The following KRT82 variants were observed in gnomAD, a reference collection of about 807,000 sequenced individuals.
The protein encoded by KRT82 is keratin, type II cuticular Hb2.
In KRT82, 44 loss-of-function variants were observed where a neutral mutation model predicts 48.0. That is an observed-to-expected ratio of 0.92 (90% CI 0.72 to 1.18). KRT82 has a LOEUF of 1.18. Among genes scored for constraint, KRT82 ranks in the 50% most tolerant of loss-of-function variants. The pLI is 0.00. For synonymous variants in KRT82, 297 were observed against 278.3 expected (o/e 1.07, Z -0.67); for missense variants, 701 against 671.4 (o/e 1.04, Z -0.49).
chr12:52,394,678 C>T lies in KRT82; in HGVS notation c.*297G>A, dbSNP rs1045009427. 4.4e-6 allele frequency: 2 copies of T among 459,332 alleles called. No individual in the cohort carries two copies. The highest frequency in any genetic ancestry group is 8.0e-6 in the Non-Finnish European group (2 of 249,846). The allele number at this position is 459,332 out of a possible 1,614,324, so 28.5% of individuals were successfully genotyped here. ...GCAGAACTGTGGTGTGCCCATTTGA[C>T]CTTTTGGGGGTTATTGCCATTCTGC... is the stretch of plus-strand genomic sequence containing the variant. On this transcript the variant is annotated 3_prime_UTR_variant, in exon 9 of 9. Coordinates refer to ENST00000257974, the MANE Select transcript of KRT82 (RefSeq NM_033033.4).
chr12:52,400,956 T>C (rs1939781671), intron 3 of KRT82, among the ~76,000 whole-genome samples: 1 of 152,184 alleles, frequency 6.6e-6, no homozygotes, highest in Non-Finnish European at 1.5e-5. Flanking sequence ...GCAGAGCTTT[T>C]GAGCTTTTGT....
At position 52,396,957 on chromosome 12, in the gene KRT82, G is replaced by A. The variant is rs760376339; in HGVS notation, c.994C>T (p.Arg332Cys). 63 of 1,613,874 alleles carry A rather than the reference G, an allele frequency of 3.9e-5. No homozygotes were observed. The Admixed American group carries it at 4.7e-4, about 12-fold the overall frequency. ...TTCATTTCCAGGATCTCGTTCTTAC[G>A]GTTGCGGAGGTTGTCACAGTGGTTC... ...AGNHCDNLRN[R>C]KNEILEMNKL... Residue 332 changes from arginine (R) to cysteine (C), a missense_variant, in exon 6 of 9, where the codon CGT becomes TGT. Coordinates refer to ENST00000257974, the MANE Select transcript of KRT82 (RefSeq NM_033033.4).
chr12:52,400,755 G>A, intron 3 of KRT82, 133 bp from the exon 4 acceptor site: 1 of 636,186 alleles, frequency 1.6e-6, no homozygotes, highest in South Asian at 1.9e-5. Context: ...GAGCCGAGGT[G>A]GGGAAAAAGG....
rs749653871 is a variant in KRT82 at position 52,406,265 on chromosome 12, A to G, written c.13T>C (p.Ser5Pro). ...CCACACCTGGAGCCTGGCTGGAAAG[A>G]GTGGTACGACATGGCAGGAGAGAGA... MSYH[S>P]FQPGSRCGSQ... The change falls in exon 1 of 9, where the codon TCT becomes CCT. Residue 5 changes from serine (S) to proline (P), a missense_variant. Ser to Pro is a moderately conservative substitution (Grantham distance 74). Transcript: ENST00000257974. The G allele has an allele frequency of 6.3e-7, 1 of 1,598,170 alleles. No individual in the cohort carries two copies. The highest frequency in any genetic ancestry group is 8.5e-7 in the Non-Finnish European group (1 of 1,170,334).
Position 52,395,760 on chromosome 12 carries a change from G to T in KRT82, c.1320C>A (p.Ile440=). The change falls in exon 8 of 9, where the codon ATC becomes ATA. Residue 440 remains isoleucine, a splice_region_variant and synonymous_variant. Coordinates refer to ENST00000257974, the MANE Select transcript of KRT82 (RefSeq NM_033033.4). ...RLCEGIGPVN[I]SVSSSKGAFL... Reference sequence around the variant, plus strand: ...GTGGGGCATGGCTCATCTACTTACAGATATTCACGGGCCCGATGCCTTCGC... The same window carrying T: ...GTGGGGCATGGCTCATCTACTTACATATATTCACGGGCCCGATGCCTTCGC... 6.4e-7 allele frequency: 1 copy of T among 1,556,608 alleles called. No homozygotes were observed. Among genetic ancestry groups the T allele is most frequent in the South Asian group, 1.2e-5 (1 of 80,882 alleles).
rs151241149 is a variant in KRT82 at position 52,396,901 on chromosome 12, G to A, written c.1050C>T (p.Thr350=). Residue 350 remains threonine (T), a synonymous_variant, in exon 6 of 9, where the codon ACC becomes ACT. Coordinates refer to ENST00000257974, the MANE Select transcript of KRT82 (RefSeq NM_033033.4). ...NKLIQRLQQE[T]ENVKAQRCKL... ...GCCTCACCTGGGCTTTGACATTCTC[G>A]GTTTCTTGCTGCAGCCGCTGGATCA... 8.1e-6 allele frequency: 13 copies of A among 1,613,978 alleles called. No individual in the cohort carries two copies. The highest frequency in any genetic ancestry group is 4.0e-5 in the African/African-American group (3 of 74,916).
At chr12:52,399,260 C>T (rs1335447063) in intron 5 of KRT82, among the ~76,000 whole-genome samples, 1 of 152,242 alleles carries the variant, frequency 6.6e-6, no homozygotes, top group Non-Finnish European at 1.5e-5. Flanking sequence ...ATCCATCACC[C>T]TGCCCCTCCA....
Position 52,396,041 on chromosome 12 carries a change from G to A in KRT82, c.1260C>T (p.Tyr420=), listed in dbSNP as rs1939708855. Residue 420 remains tyrosine (Y), a synonymous_variant, in exon 7 of 9, where the codon TAC becomes TAT. Transcript: ENST00000257974. The stretch of plus-strand genomic sequence containing the variant: ...GCTCTTCACCCTCCAGCAGGCGCCT[G>A]TAGGTGGCGATCTCGATGTCCAGGC... ...KLGLDIEIAT[Y]RRLLEGEEHR... is the part of the protein sequence containing the mutation. 1.9e-6 allele frequency: 3 copies of A among 1,614,010 alleles called. No homozygotes were observed. The highest frequency in any genetic ancestry group is 1.7e-6 in the Non-Finnish European group (2 of 1,180,038).
chr12:52,397,080 C>T, intron 5 of KRT82, 72 bp from the exon 6 acceptor site: 1 of 1,560,206 alleles, frequency 6.4e-7, no homozygotes, highest in Non-Finnish European at 8.7e-7. Flanking sequence ...CTCACTGTTC[C>T]CAGTCTTTTC....
Position 52,401,333 on chromosome 12 carries a change from A to G in KRT82, c.637T>C (p.Ser213Pro). Residue 213 changes from serine (S) to proline (P), a missense_variant, in exon 3 of 9, where the codon TCC becomes CCC. By Grantham distance (74) the Ser-to-Pro change is moderately conservative. Coordinates refer to ENST00000257974, the MANE Select transcript of KRT82 (RefSeq NM_033033.4). Reference protein sequence around the residue: ...GYKKKYEEELSLRPCVENEFV... With the variant: ...GYKKKYEEELPLRPCVENEFV... The stretch of plus-strand genomic sequence containing the variant: ...TCATTCTCAACACAGGGACGCAGGG[A>G]GAGCTCCTCTTCGTATCTGATGGAA... The G allele has an allele frequency of 8.1e-6, 13 of 1,614,130 alleles. No individual in the cohort carries two copies. Among genetic ancestry groups the G allele is most frequent in the Non-Finnish European group, 8.5e-6 (10 of 1,179,990 alleles).
rs773464151 is a variant in KRT82 at position 52,395,036 on chromosome 12, C to A, written c.1481G>T (p.Ser494Ile). Residue 494 changes from serine to isoleucine, a missense_variant, in exon 9 of 9, where the codon AGC becomes ATC. Coordinates refer to ENST00000257974, the MANE Select transcript of KRT82 (RefSeq NM_033033.4). ...CEPQGLLSCG[S>I]GRKSSMTLGA... ...TAGCGTCATGCTGGATTTCCGCCCGCTCCCACAGCTCAGTAGCCCCTGGGG... is the reference window on the plus strand; with the variant it reads ...TAGCGTCATGCTGGATTTCCGCCCGATCCCACAGCTCAGTAGCCCCTGGGG... 6 of 1,614,042 alleles carry A rather than the reference C, an allele frequency of 3.7e-6. No individual in the cohort carries two copies. The highest frequency in any genetic ancestry group is 5.1e-6 in the Non-Finnish European group (6 of 1,180,002).
chr12:52,405,657 T>C (rs1298533595), intron 1 of KRT82, among the ~76,000 whole-genome samples: 1 of 152,226 alleles, frequency 6.6e-6, no homozygotes, highest in Non-Finnish European at 1.5e-5. Context: ...GATGATATAT[T>C]TTAAGAAAGA....
chr12:52,400,429 C>A, intron 4 of KRT82, 98 bp downstream of exon 4: 1 of 935,364 alleles, frequency 1.1e-6, no homozygotes. Context: ...TCTTTCCATG[C>A]TTGCCCTGAA....
At chr12:52,404,222 C>T (rs1037987523) in intron 1 of KRT82, among the ~76,000 whole-genome samples, 1 of 152,324 alleles carries the variant, frequency 6.6e-6, no homozygotes, top group East Asian at 1.9e-4. Context: ...TCCTCGTGAC[C>T]TTGACCAAGA....
intron 7 of KRT82, 91 bp from the exon 8 acceptor site, chr12:52,395,881 C>T: frequency 2.0e-6 from 3 of 1,477,510 alleles, no homozygotes; most frequent in Non-Finnish European, 2.8e-6. Context: ...CATTGTGGAC[C>T]ATGTGCTGCT....
At position 52,400,637 on chromosome 12, in the gene KRT82, G is replaced by C. The variant is rs1172085160; in HGVS notation, c.682-15C>G. 1 of 1,602,508 alleles carries C rather than the reference G, an allele frequency of 6.2e-7. No individual in the cohort carries two copies. Among genetic ancestry groups the C allele is most frequent in the East Asian group, 2.2e-5 (1 of 44,812 alleles). ...GTGTCCACGTCCTGCAGCAGAGCAG[G>C]GACAGAATGTGACCTGGCTGGGCCA... On this transcript the variant is annotated splice_polypyrimidine_tract_variant and intron_variant, in intron 3 of 8. Coordinates refer to ENST00000257974, the MANE Select transcript of KRT82 (RefSeq NM_033033.4).
At chr12:52,403,591 C>A (rs562866955) in intron 2 of KRT82, 110 bp downstream of exon 2, 3 of 735,008 alleles carry the variant, frequency 4.1e-6, no homozygotes, top group South Asian at 1.7e-5. Flanking sequence ...GTTCTGCCAC[C>A]CAGTGAACTA....
At chr12:52,397,906 G>C (rs540889297) in intron 5 of KRT82, among the ~76,000 whole-genome samples, 2 of 152,278 alleles carry the variant, frequency 1.3e-5, no homozygotes, top group African/African-American at 4.8e-5. Flanking sequence ...AATTAGCTGA[G>C]TATGGTGGTG....
chr12:52,403,909 C>A lies in KRT82; in HGVS notation c.412G>T (p.Val138Phe). The A allele has an allele frequency of 1.2e-6, 2 of 1,613,176 alleles. No individual in the cohort carries two copies. Among genetic ancestry groups the A allele is most frequent in the African/African-American group, 1.3e-5 (1 of 75,040 alleles). Reference sequence around the variant, plus strand: ...TTGTTCTTCTGCTCCAGGAAACGGACCTGCAGCCAAGAATGGAATATCACC... The same window carrying A: ...TTGTTCTTCTGCTCCAGGAAACGGAACTGCAGCCAAGAATGGAATATCACC... Reference protein sequence around the residue: ...NNRFASFINKVRFLEQKNKLL... With the variant: ...NNRFASFINKFRFLEQKNKLL... Residue 138 changes from valine (V) to phenylalanine (F), a missense_variant and splice_region_variant, in exon 2 of 9, where the codon GTC becomes TTC. By Grantham distance (50) the Val-to-Phe change is conservative (BLOSUM62 -1). Transcript: ENST00000257974.
Sources: allele counts gnomAD v4.1 joint callset (sites outside exome capture counted in the v4.1 genomes callset), GRCh38; gene constraint gnomAD v4.1.1; transcripts MANE v1.5; gene names NCBI Gene and HGNC (gene_info 2026-07-23, HGNC 2026-07-21).